Variants in ARHGEF19 observed in about 807,000 individuals in gnomAD.
ARHGEF19 encodes Rho guanine nucleotide exchange factor 19, also known as Rho guanine nucleotide exchange factor (GEF) 19.
In ARHGEF19, 92 loss-of-function variants were observed where a neutral mutation model predicts 87.6. The observed-to-expected ratio is 1.05, with a 90% CI of 0.89 to 1.25. The LOEUF (loss-of-function observed/expected upper bound fraction) is 1.25. Among genes scored for constraint, ARHGEF19 ranks in the 50% most tolerant of loss-of-function variants. The probability of loss-of-function intolerance (pLI) is 0.00; values close to 1 mark genes in which losing one functional copy is unlikely to be tolerated. For synonymous variants in ARHGEF19, 438 were observed against 446.2 expected (o/e 0.98, Z 0.23); for missense variants, 1,054 against 1,051.8 (o/e 1.00, Z -0.03).
At chr1:16,210,079 C>T (rs755810458) in intron 1 of ARHGEF19, among the ~76,000 whole-genome samples, 18 of 152,234 alleles carry the variant, frequency 1.2e-4, no homozygotes, top group Non-Finnish European at 2.2e-4. Flanking sequence ...TCTGAGAGGC[C>T]CAAGCCCCCA....
In ARHGEF19 at chr1:16,198,604, C is replaced by A. The variant is rs778735681; in HGVS notation, c.2392G>T (p.Gly798Trp). 1.2e-6 allele frequency: 2 copies of A among 1,611,196 alleles called. No homozygotes were observed. The highest frequency in any genetic ancestry group is 3.3e-5 in the Admixed American group (2 of 59,784). Residue 798 changes from glycine (G) to tryptophan (W), a missense_variant, in exon 16 of 16, where the codon GGG becomes TGG. Coordinates refer to ENST00000270747, the MANE Select transcript of ARHGEF19 (RefSeq NM_153213.5). The surrounding 1 kb of genome is among the most constrained non-coding windows in gnomAD (Gnocchi z 4.1). ...GCTGCCCATCACACAGGAGCCTCCC[C>A]CAGTTTGCTGGTGGCACTTGTGACT... ...KRVTSATSKL[G>W]EAPV
rs538292027 is a variant in ARHGEF19 at position 16,206,790 on chromosome 1, C to T, written c.1137+158G>A. ...TGCTGTCCTCGCTTCCAGACGGCCTCGTGTAGTCAGGTCCTAGAGCCAACC... is the reference window on the plus strand; with the variant it reads ...TGCTGTCCTCGCTTCCAGACGGCCTTGTGTAGTCAGGTCCTAGAGCCAACC... On this transcript the variant is annotated intron_variant, in intron 6 of 15. Coordinates refer to ENST00000270747, the MANE Select transcript of ARHGEF19 (RefSeq NM_153213.5). This position sits in a 1 kb window ranked among gnomAD's most constrained non-coding sequence, Gnocchi z 4.6. Among the ~76,000 whole-genome samples, 191 of 152,176 alleles carry T rather than the reference C, an allele frequency of 1.3e-3. 1 individual carries two copies. Among genetic ancestry groups the T allele is most frequent in the African/African-American group, 4.4e-3 (181 of 41,536 alleles).
rs185376826 is a variant in ARHGEF19, at chr1:16,205,882, C to T, written c.1451+49G>A. ...ACCCAGCCCTCAGTGCCTACACCTG[C>T]CTGAGACTCCCTCCACGCCCCCGCC... is the stretch of plus-strand genomic sequence containing the variant. On this transcript the variant is annotated intron_variant, in intron 8 of 15. Coordinates refer to ENST00000270747, the MANE Select transcript of ARHGEF19 (RefSeq NM_153213.5). The surrounding 1 kb of genome is among the most constrained non-coding windows in gnomAD (Gnocchi z 5.8). 8 of 1,562,092 alleles carry T rather than the reference C, an allele frequency of 5.1e-6. No individual in the cohort carries two copies. Among genetic ancestry groups the T allele is most frequent in the Non-Finnish European group, 6.1e-6 (7 of 1,152,978 alleles).
chr1:16,207,989 C>A lies in ARHGEF19; in HGVS notation c.649G>T (p.Ala217Ser), dbSNP rs779710164. The part of the protein sequence containing the change: ...SSLRLGRNSA[A>S]RALISGSGTG... ...CCTGACCCAGAGATGAGTGCCCGGG[C>A]TGCTGAATTCCGCCCCAGGCGCAGA... Residue 217 changes from alanine (A) to serine (S), a missense_variant, in exon 3 of 16, where the codon GCC becomes TCC. Physicochemically the swap from Ala to Ser is moderately conservative, Grantham distance 99 (BLOSUM62 1). Transcript: ENST00000270747. This position sits in a 1 kb window ranked among gnomAD's most constrained non-coding sequence, Gnocchi z 4.0. 112 of 1,612,420 alleles carry A rather than the reference C, an allele frequency of 6.9e-5. 1 individual carries two copies. The South Asian group carries it at 1.2e-3, about 17-fold the overall frequency.
chr1:16,198,438 C>G lies in ARHGEF19; in HGVS notation c.*149G>C. ...CGGAGAGACCCTCTGGAGGCGCCCC[C>G]ATTCCTGTGTCCAGCCTGTGCCCTC... On this transcript the variant is annotated 3_prime_UTR_variant, in exon 16 of 16. Coordinates refer to ENST00000270747, the MANE Select transcript of ARHGEF19 (RefSeq NM_153213.5). This position sits in a 1 kb window ranked among gnomAD's most constrained non-coding sequence, Gnocchi z 4.1. The G allele has an allele frequency of 1.0e-6, 1 of 995,670 alleles. No homozygotes were observed. Among genetic ancestry groups the G allele is most frequent in the African/African-American group, 1.6e-5 (1 of 61,862 alleles). 61.7% of individuals were successfully genotyped at this position (995,670 alleles called of 1,614,324 possible). A position where few individuals can be genotyped will look rare whatever the true frequency, so the allele number is the denominator to read the frequency against.
intron 12 of ARHGEF19, among the ~76,000 whole-genome samples, chr1:16,204,523 C>T (rs1004833553): frequency 1.3e-5 from 2 of 152,212 alleles, no homozygotes; most frequent in African/African-American, 2.4e-5. Context: ...AAGCTCACAG[C>T]ATCTCCAAGT....
chr1:16,207,624 C>T lies in ARHGEF19; in HGVS notation c.798-26G>A. ...CTAGGAAAGAGAGAGCGTCACGGCC[C>T]TAGTTCGCCTGCACCCTGTCTCGGA... On this transcript the variant is annotated intron_variant, in intron 4 of 15. Transcript: ENST00000270747. This position sits in a 1 kb window ranked among gnomAD's most constrained non-coding sequence, Gnocchi z 4.0. 3 of 1,614,042 alleles carry T rather than the reference C, an allele frequency of 1.9e-6. No individual in the cohort carries two copies. Among genetic ancestry groups the T allele is most frequent in the Non-Finnish European group, 2.5e-6 (3 of 1,180,000 alleles).
Position 16,205,930 on chromosome 1 carries a change from C to A in ARHGEF19, c.1451+1G>T. The A allele has an allele frequency of 4.4e-6, 7 of 1,605,876 alleles. No homozygotes were observed. The highest frequency in any genetic ancestry group is 6.0e-6 in the Non-Finnish European group (7 of 1,176,316). On this transcript the variant is annotated splice_donor_variant, in intron 8 of 15. Transcript: ENST00000270747. LOFTEE classifies it high-confidence loss of function. This position sits in a 1 kb window ranked among gnomAD's most constrained non-coding sequence, Gnocchi z 5.8. ...GCCCCTTTCAGAGCCCCCAGCCCTACAGCAGGCGCTGGTAGGTGCGCTCCT... is the reference window on the plus strand; with the variant it reads ...GCCCCTTTCAGAGCCCCCAGCCCTAAAGCAGGCGCTGGTAGGTGCGCTCCT...
chr1:16,204,858 G>A lies in ARHGEF19; in HGVS notation c.1808C>T (p.Ala603Val). 5.0e-6 allele frequency: 8 copies of A among 1,603,362 alleles called. No homozygotes were observed. The highest frequency in any genetic ancestry group is 2.3e-5 in the East Asian group (1 of 44,390). The change falls in exon 12 of 16, where the codon GCA (alanine) becomes GTA (valine). Residue 603 changes from alanine (A) to valine (V), a missense_variant. Physicochemically the swap from Ala to Val is moderately conservative, Grantham distance 64. Coordinates refer to ENST00000270747, the MANE Select transcript of ARHGEF19 (RefSeq NM_153213.5). The part of the protein sequence containing the change: ...LVRHGELVEL[A>V]PLPAAPPAKL... ...GGCAGGGGGTGCTGCAGGCAGTGGT[G>A]CCAGCTCTACCAACTCTCCATGCCG...
In ARHGEF19 at chr1:16,206,290, C is replaced by T. The variant is rs1299596746; in HGVS notation, c.1188G>A (p.Ser396=). ...AGCCTAAGAAGTGGCCCACAGCCAC[C>T]GACAGGCTGTGGATGTAGGAGGCCT... ...TSEASYIHSL[S]VAVGHFLGSA... The change falls in exon 7 of 16, where the codon TCG becomes TCA. Residue 396 remains serine (S), a synonymous_variant. Transcript: ENST00000270747. The surrounding 1 kb of genome is among the most constrained non-coding windows in gnomAD (Gnocchi z 4.6). The T allele has an allele frequency of 2.5e-6, 4 of 1,583,902 alleles. No homozygotes were observed. The highest frequency in any genetic ancestry group is 2.7e-5 in the African/African-American group (2 of 74,634).
In ARHGEF19 at chr1:16,205,333, C is replaced by A. The variant is rs1443102800; in HGVS notation, c.1656+18G>T. 2.5e-6 allele frequency: 4 copies of A among 1,613,900 alleles called. No individual in the cohort carries two copies. Among genetic ancestry groups the A allele is most frequent in the Non-Finnish European group, 3.4e-6 (4 of 1,179,854 alleles). On this transcript the variant is annotated intron_variant, in intron 10 of 15. Coordinates refer to ENST00000270747, the MANE Select transcript of ARHGEF19 (RefSeq NM_153213.5). The surrounding 1 kb of genome is among the most constrained non-coding windows in gnomAD (Gnocchi z 5.8). ...GGGGGCCTCAGGAGCCAAGCAGCCCCTGCCCTGCCCAGCTCACCTCCTTGA... is the reference window on the plus strand; with the variant it reads ...GGGGGCCTCAGGAGCCAAGCAGCCCATGCCCTGCCCAGCTCACCTCCTTGA...
Position 16,202,380 on chromosome 1 carries a change from G to A in ARHGEF19, c.2066+36C>T, listed in dbSNP as rs753357567. 7 of 1,566,362 alleles carry A rather than the reference G, an allele frequency of 4.5e-6. No individual in the cohort carries two copies. The Admixed American group carries it at 5.6e-5, about 13-fold the overall frequency. On this transcript the variant is annotated intron_variant, in intron 13 of 15. Coordinates refer to ENST00000270747, the MANE Select transcript of ARHGEF19 (RefSeq NM_153213.5). Reference sequence around the variant, plus strand: ...GGACGGGGTGCCTGTCATGGGGAGGGGGAGCCTCCTCTCTCCCATATCCAG... The same window carrying A: ...GGACGGGGTGCCTGTCATGGGGAGGAGGAGCCTCCTCTCTCCCATATCCAG...
Position 16,206,964 on chromosome 1 carries a change from T to G in ARHGEF19, c.1121A>C (p.Asp374Ala), listed in dbSNP as rs1004581538. 1.3e-6 allele frequency: 2 copies of G among 1,501,364 alleles called. No individual in the cohort carries two copies. Among genetic ancestry groups the G allele is most frequent in the African/African-American group, 1.5e-5 (1 of 68,544 alleles). 93.0% of individuals were successfully genotyped at this position (1,501,364 alleles called of 1,614,324 possible). ...CGCGCCCACCTCCTGCAGCTTGCAG[T>G]CCCGCAGGCTCAGCGTGGCCAGGAC... is the stretch of plus-strand genomic sequence containing the variant. ...SGVLATLSLR[D>A]CKLQEAKFEL... is the part of the protein sequence containing the mutation. Residue 374 changes from aspartate to alanine, a missense_variant, in exon 6 of 16, where the codon GAC (aspartate) becomes GCC (alanine). Physicochemically the swap from Asp to Ala is moderately radical, Grantham distance 126. Coordinates refer to ENST00000270747, the MANE Select transcript of ARHGEF19 (RefSeq NM_153213.5). The surrounding 1 kb of genome is among the most constrained non-coding windows in gnomAD (Gnocchi z 4.6).
Position 16,207,560 on chromosome 1 carries a change from C to A in ARHGEF19, c.836G>T (p.Ser279Ile), listed in dbSNP as rs144999332. ...TQEEPPLGSR[S>I]TNERRQSRFL... ...TCGAGACTGGCGCCGCTCGTTGGTGCTCCTGGACCCCAAAGGCGGCTCTTC... is the reference window on the plus strand; with the variant it reads ...TCGAGACTGGCGCCGCTCGTTGGTGATCCTGGACCCCAAAGGCGGCTCTTC... Residue 279 changes from serine to isoleucine, a missense_variant, in exon 5 of 16, where the codon AGC becomes ATC. Coordinates refer to ENST00000270747, the MANE Select transcript of ARHGEF19 (RefSeq NM_153213.5). The surrounding 1 kb of genome is among the most constrained non-coding windows in gnomAD (Gnocchi z 4.0). 56 of 1,614,020 alleles carry A rather than the reference C, an allele frequency of 3.5e-5. No individual in the cohort carries two copies. The highest frequency in any genetic ancestry group is 4.7e-5 in the Non-Finnish European group (55 of 1,180,010).
At position 16,206,887 on chromosome 1, in the gene ARHGEF19, GTCCCCGGACCGCGTAC is replaced by G; in HGVS notation, c.1137+45_1137+60del. On this transcript the variant is annotated intron_variant, in intron 6 of 15. Transcript: ENST00000270747. This position sits in a 1 kb window ranked among gnomAD's most constrained non-coding sequence, Gnocchi z 4.6. The stretch of plus-strand genomic sequence containing the variant: ...CCCTCTATGGCCCGGTTCCCGCTAA[GTCCCCGGACCGCGTAC>G]TCCCCGGCCCGCCCCCGCCCCGCCG... The G allele has an allele frequency of 7.2e-7, 1 of 1,396,550 alleles. No homozygotes were observed. The highest frequency in any genetic ancestry group is 9.2e-7 in the Non-Finnish European group (1 of 1,084,818). The allele number at this position is 1,396,550 out of a possible 1,614,324, so 86.5% of individuals were successfully genotyped here.
chr1:16,207,663 G>T lies in ARHGEF19; in HGVS notation c.797+12C>A, dbSNP rs545386836. 5.5e-5 allele frequency: 89 copies of T among 1,614,056 alleles called. 3 individuals carry two copies. In the South Asian group the frequency reaches 9.6e-4, roughly 17 times the overall value. On this transcript the variant is annotated intron_variant, in intron 4 of 15. Coordinates refer to ENST00000270747, the MANE Select transcript of ARHGEF19 (RefSeq NM_153213.5). The surrounding 1 kb of genome is among the most constrained non-coding windows in gnomAD (Gnocchi z 4.0). ...CCCTGTCTCGGACCCAAGCCCAAAC[G>T]GGAGGTGGTACCTGGGCTCGGACCA...
In ARHGEF19 at chr1:16,198,882, C is replaced by G; in HGVS notation, c.2252-138G>C. 2 of 1,151,006 alleles carry G rather than the reference C, an allele frequency of 1.7e-6. No homozygotes were observed. The highest frequency in any genetic ancestry group is 3.2e-5 in the South Asian group (2 of 62,890). 71.3% of individuals were successfully genotyped at this position (1,151,006 alleles called of 1,614,324 possible). Reference sequence around the variant, plus strand: ...ACATCATCTCAGCATCTCTCAGCTCCAGGAAGGACCCTGTCTTGAGCTGTC... The same window carrying G: ...ACATCATCTCAGCATCTCTCAGCTCGAGGAAGGACCCTGTCTTGAGCTGTC... On this transcript the variant is annotated intron_variant, in intron 15 of 15. Coordinates refer to ENST00000270747, the MANE Select transcript of ARHGEF19 (RefSeq NM_153213.5). The surrounding 1 kb of genome is among the most constrained non-coding windows in gnomAD (Gnocchi z 4.1).
At position 16,208,968 on chromosome 1, in the gene ARHGEF19, C is replaced by T. The variant is rs946077018; in HGVS notation, c.87G>A (p.Gln29=). 3.9e-6 allele frequency: 6 copies of T among 1,555,162 alleles called. No homozygotes were observed. The Admixed American group carries it at 8.3e-5, about 21-fold the overall frequency. ...GCAGCTCTGCAAAGGACAGACTCTC[C>T]TGCTGGCACACTGCTACAGGGTGGT... The part of the protein sequence containing the change: ...TAHHPVAVCQ[Q]ESLSFAELPA... Residue 29 remains glutamine (Q), a synonymous_variant, in exon 2 of 16, where the codon CAG becomes CAA. Transcript: ENST00000270747.
chr1:16,206,532 C>T lies in ARHGEF19; in HGVS notation c.1138-192G>A. The T allele has an allele frequency of 1.6e-6, 1 of 623,676 alleles. No individual in the cohort carries two copies. The highest frequency in any genetic ancestry group is 2.8e-6 in the Non-Finnish European group (1 of 354,112). 38.6% of individuals were successfully genotyped at this position (623,676 alleles called of 1,614,324 possible). On this transcript the variant is annotated intron_variant, in intron 6 of 15. Coordinates refer to ENST00000270747, the MANE Select transcript of ARHGEF19 (RefSeq NM_153213.5). This position sits in a 1 kb window ranked among gnomAD's most constrained non-coding sequence, Gnocchi z 4.6. ...GGAAATTGTGCAAGCCTTTCCTGTC[C>T]TCGATCCCGCCCCTCTCCTAAGCCC... is the stretch of plus-strand genomic sequence containing the variant.
Sources: gnomAD v4.1 joint callset for allele counts (sites outside exome capture counted in the v4.1 genomes callset) on GRCh38, gnomAD v4.1.1 for gene constraint, Gnocchi (gnomAD v3.1) non-coding constraint, MANE v1.5 for transcripts, NCBI Gene and HGNC (gene_info 2026-07-23, HGNC 2026-07-21) for gene names.